The following CNOT10 variants were observed in gnomAD, a reference collection of about 807,000 sequenced individuals.
The protein encoded by CNOT10 is CCR4-NOT transcription complex, subunit 10.
A neutral mutation model predicts 94.6 loss-of-function variants in CNOT10; 30 were observed. The observed-to-expected ratio is 0.32, with a 90% CI of 0.24 to 0.43. The LOEUF (loss-of-function observed/expected upper bound fraction) is 0.43, where lower values mean the gene tolerates loss of function less well. Ranked by LOEUF, CNOT10 falls within the 20% of genes least tolerant of loss-of-function variation. The pLI is 1.00. For missense variants in CNOT10, 759 were observed against 877.2 expected (o/e 0.87, Z 1.70); for synonymous variants, 289 against 301.6 (o/e 0.96, Z 0.43).
Position 32,764,719 on chromosome 3 carries a change from C to T in CNOT10, c.1914C>T (p.Val638=). Residue 638 remains valine (V), a synonymous_variant, in exon 17 of 19, where the codon GTC becomes GTT. Transcript: ENST00000328834. ...KRAPQCYPSS[V]NSARTVMLFN... is the part of the protein sequence containing the mutation. ...CCCCTCAGTGCTACCCCAGTTCCGT[C>T]AACTCTGCCAGGACTGTGATGCTGT... The T allele has an allele frequency of 2.5e-6, 4 of 1,614,172 alleles. No individual in the cohort carries two copies. The highest frequency in any genetic ancestry group is 2.5e-6 in the Non-Finnish European group (3 of 1,180,036).
At chr3:32,741,580 C>T (rs1482830829) in intron 13 of CNOT10, among the ~76,000 whole-genome samples, 9 of 151,808 alleles carry the variant, frequency 5.9e-5, no homozygotes, top group Non-Finnish European at 8.8e-5. Context: ...CCAGCCTGGC[C>T]AACATAGTGA....
At chr3:32,733,566 A>T (rs192611339) in intron 11 of CNOT10, 22 bp downstream of exon 11, 1 of 1,429,930 alleles carries the variant, frequency 7.0e-7, no homozygotes, top group East Asian at 2.3e-5. Context: ...GCAAAGAAAA[A>T]GTGTATATAT....
At position 32,704,910 on chromosome 3, in the gene CNOT10, T is replaced by C. The variant is rs776439004; in HGVS notation, c.217T>C (p.Phe73Leu). The C allele has an allele frequency of 6.4e-7, 1 of 1,568,300 alleles. No homozygotes were observed. ...TTTGAATACAGCAGTAGCTGAGTTTTTTAAAAGTAACCAAACAACAACAGA... is the reference window on the plus strand; with the variant it reads ...TTTGAATACAGCAGTAGCTGAGTTTCTTAAAAGTAACCAAACAACAACAGA... ...IILNTAVAEF[F>L]KSNQTTTDNL... The change falls in exon 3 of 19, where the codon TTT becomes CTT. Residue 73 changes from phenylalanine (F) to leucine (L), a missense_variant. This residue lies in a region of CNOT10 where 682 missense variants were observed against 799.4 expected (regional missense o/e 0.85). Transcript: ENST00000328834.
Position 32,759,484 on chromosome 3 carries a change from A to G in CNOT10, c.1622A>G (p.Tyr541Cys). Reference protein sequence around the residue: ...LKCSILACSAYVALALGDNLM... With the variant: ...LKCSILACSACVALALGDNLM... ...TGCTCCATACTTGCTTGCAGTGCCT[A>G]CGTGGCTCTGGCTTTGGGTGATAAC... The change falls in exon 14 of 19, where the codon TAC becomes TGC. Residue 541 changes from tyrosine (Y) to cysteine (C), a missense_variant. Tyr to Cys is a radical substitution (Grantham distance 194). Coordinates refer to ENST00000328834, the MANE Select transcript of CNOT10 (RefSeq NM_015442.3). The G allele has an allele frequency of 6.2e-7, 1 of 1,613,946 alleles. No homozygotes were observed. Among genetic ancestry groups the G allele is most frequent in the South Asian group, 1.1e-5 (1 of 91,064 alleles).
intron 13 of CNOT10, among the ~76,000 whole-genome samples, chr3:32,749,144 A>G (rs1378348847): frequency 6.8e-6 from 1 of 148,070 alleles, no homozygotes; most frequent in Non-Finnish European, 1.5e-5. Context: ...TATGTCCTAG[A>G]TACAACTATC....
chr3:32,726,423 G>A (rs1025149707), intron 9 of CNOT10, among the ~76,000 whole-genome samples: 4 of 151,972 alleles, frequency 2.6e-5, no homozygotes, highest in East Asian at 1.9e-4. Flanking sequence ...GGCCAGGGGC[G>A]GTGGCTCACG....
intron 16 of CNOT10, 33 bp downstream of exon 16, chr3:32,764,523 C>T (rs1461799570): frequency 1.2e-6 from 2 of 1,610,488 alleles, no homozygotes; most frequent in African/African-American, 2.7e-5. Flanking sequence ...CTTAAGTAGC[C>T]TGGCCTGCAT....
At chr3:32,770,717 T>C (rs568924619) in intron 18 of CNOT10, among the ~76,000 whole-genome samples, 1 of 150,794 alleles carries the variant, frequency 6.6e-6, no homozygotes, top group Non-Finnish European at 1.5e-5. Flanking sequence ...TTTTTTTTTT[T>C]CTTTTTTGAG....
chr3:32,705,051 A>T, intron 3 of CNOT10, 79 bp downstream of exon 3: 1 of 961,520 alleles, frequency 1.0e-6, no homozygotes, highest in Non-Finnish European at 1.5e-6. Flanking sequence ...TAAGGAAAAT[A>T]AATGTGATTT....
intron 10 of CNOT10, among the ~76,000 whole-genome samples, chr3:32,728,988 C>G (rs1023292354): frequency 1.3e-5 from 2 of 152,026 alleles, no homozygotes; most frequent in Non-Finnish European, 2.9e-5. Context: ...CCCAGCTACT[C>G]GGGAGGGTGA....
intron 13 of CNOT10, among the ~76,000 whole-genome samples, chr3:32,754,489 A>AAAATATATATATATATATATATAT (rs77878221): frequency 1.4e-5 from 1 of 70,214 alleles, no homozygotes; most frequent in African/African-American, 7.7e-5. Flanking sequence ...AAAAAAAAAA[A>AAAATATATATATATATATATATAT]ATACATATAT....
At chr3:32,773,039 T>C (rs1700983213) in intron 18 of CNOT10, among the ~76,000 whole-genome samples, 1 of 152,152 alleles carries the variant, frequency 6.6e-6, no homozygotes, top group Non-Finnish European at 1.5e-5. Flanking sequence ...CTAATTTTTG[T>C]ATTTTTTTGT....
intron 15 of CNOT10, among the ~76,000 whole-genome samples, chr3:32,763,120 T>C (rs147944655): frequency 9.2e-5 from 14 of 152,318 alleles, no homozygotes; most frequent in African/African-American, 3.1e-4. Flanking sequence ...ATACTATTTA[T>C]TTGTTTTCCT....
At position 32,716,302 on chromosome 3, in the gene CNOT10, G is replaced by A. The variant is rs367870896; in HGVS notation, c.651G>A (p.Lys217=). The change falls in exon 6 of 19, where the codon AAG becomes AAA. Residue 217 remains lysine, a synonymous_variant. Coordinates refer to ENST00000328834, the MANE Select transcript of CNOT10 (RefSeq NM_015442.3). ...SGALIEAAKS[K]IHQYKVRAYI... ...CTCTAATAGAAGCTGCAAAATCAAA[G>A]ATACATCAGGTAGTATAAATTTTAA... 5.1e-6 allele frequency: 8 copies of A among 1,565,164 alleles called. No individual in the cohort carries two copies. In the African/African-American group the frequency reaches 8.2e-5, roughly 16 times the overall value.
intron 13 of CNOT10, among the ~76,000 whole-genome samples, chr3:32,750,357 C>T (rs185406371): frequency 3.3e-5 from 5 of 151,888 alleles, no homozygotes; most frequent in East Asian, 3.9e-4. Context: ...TAGCCAGGTG[C>T]GGTGTTGTGT....
Position 32,708,701 on chromosome 3 carries a change from T to A in CNOT10, c.311T>A (p.Leu104Ter). ...TCAGCTGTTGAAGAAATGGATGGAT[T>A]AGATGATGTTGAAAACAGCATGTTG... ...VHSAVEEMDG[L>*]DDVENSMLYY... The change falls in exon 4 of 19, where the codon TTA becomes TAA. Residue 104 changes from leucine to a stop codon, truncating the protein, a stop_gained. Coordinates refer to ENST00000328834, the MANE Select transcript of CNOT10 (RefSeq NM_015442.3). LOFTEE classifies it high-confidence loss of function. 6.2e-7 allele frequency: 1 copy of A among 1,613,232 alleles called. No homozygotes were observed. Among genetic ancestry groups the A allele is most frequent in the East Asian group, 2.2e-5 (1 of 44,796 alleles).
At chr3:32,764,939 TA>T in intron 17 of CNOT10, 130 bp downstream of exon 17, 1 of 1,504,654 alleles carries the variant, frequency 6.6e-7, no homozygotes. Flanking sequence ...TTCCCAGATA[TA>T]AAAATATTCT....
intron 4 of CNOT10, among the ~76,000 whole-genome samples, chr3:32,709,996 A>G (rs948559611): frequency 2.6e-5 from 4 of 152,020 alleles, no homozygotes; most frequent in African/African-American, 9.7e-5. Context: ...AAAATACAAA[A>G]TTAGCCAGGT....
chr3:32,691,266 A>G (rs575330174), intron 1 of CNOT10, among the ~76,000 whole-genome samples: 20 of 147,722 alleles, frequency 1.4e-4, no homozygotes, highest in African/African-American at 5.0e-4. Context: ...GGTTCAAGTG[A>G]TTCTCCTGCC....
Sources: allele counts gnomAD v4.1 joint callset (sites outside exome capture counted in the v4.1 genomes callset), GRCh38; gene constraint gnomAD v4.1.1; regional missense constraint gnomAD v4.1.1; transcripts MANE v1.5; gene names NCBI Gene and HGNC (gene_info 2026-07-23, HGNC 2026-07-21).